Variants in NUP54 observed in about 807,000 individuals in gnomAD.
NUP54 encodes nucleoporin 54.
NUP54 carries 27 observed loss-of-function variants against 66.4 expected under a neutral mutation model. That is an observed-to-expected ratio of 0.41 (90% CI 0.30 to 0.56). The LOEUF (loss-of-function observed/expected upper bound fraction) is 0.56, where lower values mean the gene tolerates loss of function less well. Ranked by LOEUF, NUP54 falls within the 20% of genes least tolerant of loss-of-function variation. NUP54 has a pLI of 0.34. For missense variants in NUP54, 486 were observed against 596.3 expected, an observed-to-expected ratio of 0.82 and a Z score of 1.93; for synonymous variants, 206 against 210.7, an observed-to-expected ratio of 0.98 and a Z score of 0.19.
chr4:76,143,772 G>A (rs935936416), intron 3 of NUP54, among the ~76,000 whole-genome samples: 1 of 152,138 alleles, frequency 6.6e-6, no homozygotes, highest in Non-Finnish European at 1.5e-5. Context: ...CAATTGGTAG[G>A]GAAATGTGGT....
At chr4:76,127,158 C>A (rs530111925) in intron 8 of NUP54, among the ~76,000 whole-genome samples, 1 of 152,034 alleles carries the variant, frequency 6.6e-6, no homozygotes, top group Non-Finnish European at 1.5e-5. Flanking sequence ...TAGGGCTGGG[C>A]GCAGTGGCTC....
intron 3 of NUP54, among the ~76,000 whole-genome samples, chr4:76,143,023 C>T (rs1731327330): frequency 6.6e-6 from 1 of 151,956 alleles, no homozygotes; most frequent in Admixed American, 6.6e-5. Flanking sequence ...TTTGTAACCC[C>T]TAATGAATTA....
At chr4:76,147,163 T>C (rs902279017) in intron 1 of NUP54, among the ~76,000 whole-genome samples, 9 of 152,210 alleles carry the variant, frequency 5.9e-5, no homozygotes, top group Admixed American at 6.5e-5. Flanking sequence ...CAGGATGGGC[T>C]TGACTGGTGG....
At chr4:76,143,135 GCAAA>G (rs770167895) in intron 3 of NUP54, among the ~76,000 whole-genome samples, 4 of 151,842 alleles carry the variant, frequency 2.6e-5, no homozygotes, top group Non-Finnish European at 4.4e-5. Context: ...AAATAGTCTT[GCAAA>G]CAAACAACAA....
intron 1 of NUP54, among the ~76,000 whole-genome samples, chr4:76,147,255 A>G (rs565630968): frequency 7.9e-5 from 12 of 152,264 alleles, no homozygotes; most frequent in Non-Finnish European, 1.5e-4. Flanking sequence ...CATTTGGAAG[A>G]TAAGTGCACA....
intron 11 of NUP54, among the ~76,000 whole-genome samples, chr4:76,116,398 G>A (rs928205776): frequency 6.6e-6 from 1 of 152,124 alleles, no homozygotes; most frequent in Non-Finnish European, 1.5e-5. Flanking sequence ...TCAGGGCCAT[G>A]CCAACAGTCA....
Position 76,130,749 on chromosome 4 carries a change from C to T in NUP54, c.963G>A (p.Lys321=), listed in dbSNP as rs867811229. ...AACCCACCATTGGTACAGGAATTAA[C>T]CTGAAGAAACGCAGTGAACAATTTT... ...QAKVDNPDSE[K]LIPVPMVGFK... Residue 321 remains lysine (K), a splice_region_variant and synonymous_variant, in exon 8 of 12, where the codon AAG becomes AAA. Transcript: ENST00000264883. The T allele has an allele frequency of 6.2e-7, 1 of 1,606,750 alleles. No individual in the cohort carries two copies. Among genetic ancestry groups the T allele is most frequent in the South Asian group, 1.1e-5 (1 of 90,818 alleles).
chr4:76,134,232 C>T lies in NUP54; in HGVS notation c.653G>A (p.Gly218Glu), dbSNP rs1453645486. ...QLVESLHKVL[G>E]GNQTLTVNVE... ...ATTTACAGTAAGGGTCTGGTTTCCT[C>T]CCAAAACTTTATGCAATGATTCTAC... The change falls in exon 5 of 12, where the codon GGA becomes GAA. Residue 218 changes from glycine (G) to glutamate (E), a missense_variant. Transcript: ENST00000264883. 2.5e-6 allele frequency: 4 copies of T among 1,613,890 alleles called. No homozygotes were observed. The South Asian group carries it at 3.3e-5, about 13-fold the overall frequency.
intron 8 of NUP54, among the ~76,000 whole-genome samples, chr4:76,125,880 G>GAGAC (rs1730518335): frequency 6.7e-6 from 1 of 149,500 alleles, no homozygotes; most frequent in East Asian, 2.0e-4. Context: ...GAGAGAGACA[G>GAGAC]AGAGAGAGGG....
intron 1 of NUP54, chr4:76,147,789 G>T: frequency 2.2e-6 from 1 of 464,462 alleles, no homozygotes; most frequent in Non-Finnish European, 3.6e-6. Context: ...AGAAAGCAGA[G>T]TGGGGGTGGG....
intron 3 of NUP54, among the ~76,000 whole-genome samples, chr4:76,142,672 C>G (rs552458466): frequency 6.6e-6 from 1 of 152,178 alleles, no homozygotes; most frequent in Non-Finnish European, 1.5e-5. Context: ...TGCCATACCA[C>G]CTAGTAAGGA....
intron 2 of NUP54, 40 bp downstream of exon 2, chr4:76,144,350 C>T (rs1483017564): frequency 6.3e-7 from 1 of 1,596,122 alleles, no homozygotes; most frequent in Admixed American, 1.8e-5. Context: ...CTGACCTCTA[C>T]TTCATTTACT....
At chr4:76,123,333 A>G (rs1730314092) in intron 9 of NUP54, among the ~76,000 whole-genome samples, 1 of 152,170 alleles carries the variant, frequency 6.6e-6, no homozygotes, top group Non-Finnish European at 1.5e-5. Context: ...TGGCAATGAA[A>G]CTATCTGTCC....
chr4:76,138,904 C>T (rs950605415), intron 3 of NUP54, among the ~76,000 whole-genome samples: 1 of 152,124 alleles, frequency 6.6e-6, no homozygotes, highest in Non-Finnish European at 1.5e-5. Context: ...ACAACTGAAA[C>T]ATATTTATTA....
intron 7 of NUP54, chr4:76,131,000 T>A (rs537232764): frequency 3.3e-6 from 2 of 606,524 alleles, no homozygotes; most frequent in Non-Finnish European, 5.9e-6. Flanking sequence ...TTTCCGCTCC[T>A]AGTTAGTTCT....
intron 3 of NUP54, among the ~76,000 whole-genome samples, chr4:76,139,705 A>G (rs533423623): frequency 6.6e-6 from 1 of 152,340 alleles, no homozygotes; most frequent in Middle Eastern, 3.4e-3. Flanking sequence ...AATGAGGTAC[A>G]CATTTTTAAA....
intron 8 of NUP54, among the ~76,000 whole-genome samples, chr4:76,128,127 G>A (rs1050836311): frequency 2.0e-5 from 3 of 152,092 alleles, no homozygotes; most frequent in African/African-American, 7.2e-5. Context: ...ATAGTGGGAG[G>A]AGATACATCG....
chr4:76,136,378 A>G lies in NUP54; in HGVS notation c.330T>C (p.Ala110=). Residue 110 remains alanine (A), a synonymous_variant, in exon 4 of 12, where the codon GCT becomes GCC. Coordinates refer to ENST00000264883, the MANE Select transcript of NUP54 (RefSeq NM_017426.4). ...LGGLFSQPTQ[A]PTQSNQLINT... is the part of the protein sequence containing the mutation. ...TTATCAGCTGGTTGGACTGGGTAGG[A>G]GCTTGTGTAGGCTGACTGAAGAGAC... is the stretch of plus-strand genomic sequence containing the variant. 6.2e-7 allele frequency: 1 copy of G among 1,614,086 alleles called. No individual in the cohort carries two copies. The highest frequency in any genetic ancestry group is 1.3e-5 in the African/African-American group (1 of 75,024).
At chr4:76,130,129 C>A (rs1468088792) in intron 8 of NUP54, among the ~76,000 whole-genome samples, 3 of 151,366 alleles carry the variant, frequency 2.0e-5, no homozygotes, top group Non-Finnish European at 4.4e-5. Context: ...TACAGGCGTG[C>A]ACCACGACAC....
Sources: gnomAD v4.1 joint callset for allele counts (sites outside exome capture counted in the v4.1 genomes callset) on GRCh38, gnomAD v4.1.1 for gene constraint, MANE v1.5 for transcripts, NCBI Gene and HGNC (gene_info 2026-07-23, HGNC 2026-07-21) for gene names.